ROBO2: variants seen among roughly 807,000 people sequenced by gnomAD.
ROBO2 encodes the protein roundabout guidance receptor 2.
A neutral mutation model predicts 160.8 loss-of-function variants in ROBO2; 53 were observed. The ratio of observed to expected loss-of-function variants is 0.33; its 90% CI spans 0.26 to 0.41. The LOEUF (loss-of-function observed/expected upper bound fraction) is 0.41, where lower values mean the gene tolerates loss of function less well. ROBO2 is among the 10% of genes least tolerant of loss of function. The pLI, the probability that ROBO2 is intolerant of heterozygous loss-of-function variation, is 1.00. For synonymous variants in ROBO2, 664 were observed against 611.7 expected (o/e 1.09, Z -1.26); for missense variants, 1,577 against 1,722.4 (o/e 0.92, Z 1.49).
intron 2 of ROBO2, among the ~76,000 whole-genome samples, chr3:76,204,950 TAG>T (rs1366490015): frequency 1.3e-5 from 2 of 152,168 alleles, no homozygotes; most frequent in East Asian, 1.9e-4. Flanking sequence ...TGGAAATTCA[TAG>T]AGTCAGTGAA....
chr3:76,004,518 A>G (rs1378914027), intron 2 of ROBO2, among the ~76,000 whole-genome samples: 2 of 152,186 alleles, frequency 1.3e-5, no homozygotes, highest in African/African-American at 4.8e-5. Context: ...GTTCAAATTC[A>G]AGTTACTGAC....
At chr3:75,977,859 C>T (rs886658127) in intron 2 of ROBO2, among the ~76,000 whole-genome samples, 6 of 151,514 alleles carry the variant, frequency 4.0e-5, no homozygotes, top group African/African-American at 7.2e-5. Flanking sequence ...TCTTGTATAA[C>T]GCATGAACAA....
chr3:76,019,535 A>G (rs747078244), intron 2 of ROBO2, among the ~76,000 whole-genome samples: 13 of 138,248 alleles, frequency 9.4e-5, no homozygotes, highest in East Asian at 4.6e-4. Flanking sequence ...CACATGGTTC[A>G]GTTTTCTCTG....
chr3:77,278,019 A>T (rs924540082), intron 2 of ROBO2, among the ~76,000 whole-genome samples: 1 of 152,154 alleles, frequency 6.6e-6, no homozygotes, highest in African/African-American at 2.4e-5. Flanking sequence ...ATGAGATAGT[A>T]TCTCATTGTG....
chr3:76,970,323 A>T (rs2059513153), intron 2 of ROBO2, among the ~76,000 whole-genome samples: 1 of 152,218 alleles, frequency 6.6e-6, no homozygotes, highest in African/African-American at 2.4e-5. Context: ...ACCACAGCTT[A>T]TTCTTCAAAT....
intron 2 of ROBO2, among the ~76,000 whole-genome samples, chr3:76,384,248 C>G (rs1359359822): frequency 6.6e-6 from 1 of 152,118 alleles, no homozygotes; most frequent in Non-Finnish European, 1.5e-5. Context: ...AAATGTTAAT[C>G]TATTTCTTGA....
chr3:76,574,755 C>A (rs1383073636), intron 2 of ROBO2, among the ~76,000 whole-genome samples: 2 of 152,058 alleles, frequency 1.3e-5, no homozygotes, highest in Non-Finnish European at 2.9e-5. Flanking sequence ...GTAAACACCT[C>A]ACTGGGGAAT....
At chr3:76,776,271 T>A (rs750225525) in intron 2 of ROBO2, among the ~76,000 whole-genome samples, 2 of 150,968 alleles carry the variant, frequency 1.3e-5, no homozygotes, top group Non-Finnish European at 3.0e-5. Context: ...TAATACCTGA[T>A]GCTGATAACT....
At chr3:76,492,492 C>T (rs958312715) in intron 2 of ROBO2, among the ~76,000 whole-genome samples, 7 of 151,836 alleles carry the variant, frequency 4.6e-5, no homozygotes, top group African/African-American at 1.7e-4. Flanking sequence ...ACTTACTGCA[C>T]ATGTTGTCTT....
At chr3:77,501,754 A>C (rs978436382) in intron 5 of ROBO2, among the ~76,000 whole-genome samples, 7 of 152,218 alleles carry the variant, frequency 4.6e-5, no homozygotes, top group African/African-American at 1.7e-4. Flanking sequence ...GACATAAAGA[A>C]GAAAATTAAT....
At chr3:77,115,426 A>G (rs2074102482) in intron 2 of ROBO2, among the ~76,000 whole-genome samples, 1 of 152,166 alleles carries the variant, frequency 6.6e-6, no homozygotes, top group Admixed American at 6.5e-5. Context: ...TATAATTGGC[A>G]TAGTGCTAAA....
intron 2 of ROBO2, among the ~76,000 whole-genome samples, chr3:75,987,754 A>T (rs2065453518): frequency 6.6e-6 from 1 of 151,924 alleles, no homozygotes; most frequent in South Asian, 2.1e-4. Context: ...AGTGTTTTTG[A>T]TATGAAAGAT....
intron 2 of ROBO2, among the ~76,000 whole-genome samples, chr3:76,161,754 C>T (rs1469134524): frequency 6.6e-6 from 1 of 152,130 alleles, no homozygotes; most frequent in South Asian, 2.1e-4. Context: ...TTGGTTCTTA[C>T]TCTGTTGTAA....
chr3:76,055,020 A>C (rs993174373), intron 2 of ROBO2, among the ~76,000 whole-genome samples: 1 of 152,216 alleles, frequency 6.6e-6, no homozygotes, highest in African/African-American at 2.4e-5. Context: ...TATCAAGGAA[A>C]GAGGTTTAAT....
intron 2 of ROBO2, among the ~76,000 whole-genome samples, chr3:76,123,066 A>AT (rs1165097684): frequency 1.4e-4 from 22 of 151,816 alleles, no homozygotes; most frequent in African/African-American, 7.3e-5. Context: ...ATTTTCTTTC[A>AT]TTTTTTATGG....
chr3:76,891,925 G>T (rs1173870621), intron 2 of ROBO2, among the ~76,000 whole-genome samples: 1 of 152,126 alleles, frequency 6.6e-6, no homozygotes, highest in African/African-American at 2.4e-5. Context: ...AAGTGCAGTG[G>T]AAGGGTCTGG....
At chr3:76,792,139 T>C (rs1203434760) in intron 2 of ROBO2, among the ~76,000 whole-genome samples, 4 of 151,882 alleles carry the variant, frequency 2.6e-5, no homozygotes, top group African/African-American at 9.7e-5. Context: ...AAAATATTTT[T>C]TAAGTTGTAG....
At chr3:76,437,657 C>T (rs2076745976) in intron 2 of ROBO2, among the ~76,000 whole-genome samples, 1 of 152,070 alleles carries the variant, frequency 6.6e-6, no homozygotes, top group Non-Finnish European at 1.5e-5. Flanking sequence ...TTCAGAAATT[C>T]CCCTTTGTAA....
intron 2 of ROBO2, among the ~76,000 whole-genome samples, chr3:76,650,331 CCTTCGTT>C (rs1323353942): frequency 6.6e-6 from 1 of 152,078 alleles, no homozygotes; most frequent in Non-Finnish European, 1.5e-5. Flanking sequence ...AGACAGCGTG[CCTTCGTT>C]CTTTCCCTTC....
Sources: allele counts gnomAD v4.1 joint callset (sites outside exome capture counted in the v4.1 genomes callset), GRCh38; gene constraint gnomAD v4.1.1; transcripts MANE v1.5; gene names NCBI Gene and HGNC (gene_info 2026-07-23, HGNC 2026-07-21).